Variants in CDKN2C observed in about 807,000 individuals in gnomAD.
The protein encoded by CDKN2C is cyclin dependent kinase inhibitor 2C.
A neutral mutation model predicts 11.0 loss-of-function variants in CDKN2C; 5 were observed. That is an observed-to-expected ratio of 0.45 (90% CI 0.24 to 0.95). CDKN2C has a LOEUF of 0.95. CDKN2C is among the 40% of genes least tolerant of loss of function. The probability of loss-of-function intolerance (pLI) is 0.21; values close to 1 mark genes in which losing one functional copy is unlikely to be tolerated. For synonymous variants in CDKN2C, 79 were observed against 88.3 expected, an observed-to-expected ratio of 0.89 and a Z score of 0.59; for missense variants, 161 against 211.9, an observed-to-expected ratio of 0.76 and a Z score of 1.49.
intron 1 of CDKN2C, 46 bp downstream of exon 1, chr1:50,970,543 A>G: frequency 6.2e-7 from 1 of 1,609,252 alleles, no homozygotes; most frequent in South Asian, 1.1e-5. Context: ...AATGTTGCCT[A>G]CGTGACCCGG....
In CDKN2C at chr1:50,974,401, A is replaced by C; in HGVS notation, c.*131A>C. 1.1e-6 allele frequency: 1 copy of C among 877,802 alleles called. No homozygotes were observed. The allele number at this position is 877,802 out of a possible 1,614,324, so 54.4% of individuals were successfully genotyped here. On this transcript the variant is annotated 3_prime_UTR_variant, in exon 2 of 2. Coordinates refer to ENST00000371761, the MANE Select transcript of CDKN2C (RefSeq NM_078626.3). ...CAGCTAAATTTTCTGAAACTGCATA[A>C]GTGAAAATCTTACAACAGGCTTATG...
chr1:50,974,126 C>G lies in CDKN2C; in HGVS notation c.363C>G (p.Phe121Leu). Residue 121 changes from phenylalanine (F) to leucine (L), a missense_variant, in exon 2 of 2, where the codon TTC becomes TTG. Phe to Leu is a conservative substitution (Grantham distance 22, BLOSUM62 0). Coordinates refer to ENST00000371761, the MANE Select transcript of CDKN2C (RefSeq NM_078626.3). ...AKEGHLRVVE[F>L]LVKHTASNVG... ...AAGGCCACCTCCGGGTGGTGGAGTT[C>G]CTGGTGAAGCACACGGCCAGCAATG... The G allele has an allele frequency of 6.2e-7, 1 of 1,614,154 alleles. No individual in the cohort carries two copies. The highest frequency in any genetic ancestry group is 8.5e-7 in the Non-Finnish European group (1 of 1,180,020).
At position 50,974,445 on chromosome 1, in the gene CDKN2C, C is replaced by T. The variant is rs1645398472; in HGVS notation, c.*175C>T. 3.6e-5 allele frequency: 19 copies of T among 532,674 alleles called. No individual in the cohort carries two copies. The highest frequency in any genetic ancestry group is 4.9e-5 in the Non-Finnish European group (16 of 324,636). 33.0% of individuals were successfully genotyped at this position (532,674 alleles called of 1,614,324 possible). ...GCTTATGAATATATTTAAGCAACAT[C>T]TTTTTAACCTGCAAAATCTGTTCTA... On this transcript the variant is annotated 3_prime_UTR_variant, in exon 2 of 2. Transcript: ENST00000371761.
At position 50,970,358 on chromosome 1, in the gene CDKN2C, G is replaced by A; in HGVS notation, c.-11G>A. 2 of 1,614,010 alleles carry A rather than the reference G, an allele frequency of 1.2e-6. No homozygotes were observed. The highest frequency in any genetic ancestry group is 1.7e-6 in the Non-Finnish European group (2 of 1,180,026). On this transcript the variant is annotated 5_prime_UTR_variant, in exon 1 of 2. Coordinates refer to ENST00000371761, the MANE Select transcript of CDKN2C (RefSeq NM_078626.3). ...TAATTCATCTTTTCCTGATCGTCAG[G>A]ACCCTAAAGAATGGCCGAGCCTTGG...
At chr1:50,968,748 C>T (rs1285774793), upstream of CDKN2C, 1 of 152,166 alleles carries the variant, frequency 6.6e-6, no homozygotes. Flanking sequence ...GGTTTTTCAA[C>T]TCAAAAAGCG....
intron 1 of CDKN2C, among the ~76,000 whole-genome samples, chr1:50,965,195 C>T (rs1276615287): frequency 1.3e-5 from 2 of 151,146 alleles, no homozygotes; most frequent in South Asian, 4.2e-4. Context: ...TTTTTTCCTT[C>T]TTACTTTAAC....
chr1:50,969,087 G>T (rs1057115571), upstream of CDKN2C: 10 of 152,326 alleles, frequency 6.6e-5, no homozygotes, highest in African/African-American at 2.2e-4. The surrounding 1 kb of genome is among the most constrained non-coding windows in gnomAD (Gnocchi z 6.6). Context: ...GGCACAGGCC[G>T]GGGACCGCGA....
At chr1:50,967,744 T>C (rs1394001843), upstream of CDKN2C, among the ~76,000 whole-genome samples, 1 of 152,174 alleles carries the variant, frequency 6.6e-6, no homozygotes, top group African/African-American at 2.4e-5. Context: ...TGTCGGATGA[T>C]TAAATAAAGG....
chr1:50,972,136 A>G (rs1349448658), intron 1 of CDKN2C, among the ~76,000 whole-genome samples: 1 of 152,130 alleles, frequency 6.6e-6, no homozygotes, highest in African/African-American at 2.4e-5. Context: ...GGTTAATATC[A>G]AAGGCCTTAA....
upstream of CDKN2C, chr1:50,968,995 G>C (rs1007816946): frequency 3.3e-5 from 5 of 153,538 alleles, no homozygotes; most frequent in Non-Finnish European, 7.2e-5. Context: ...CACTGGGAGC[G>C]GTGCGGCCAA....
chr1:50,966,627 A>C (rs1645348144), upstream of CDKN2C, among the ~76,000 whole-genome samples: 1 of 152,102 alleles, frequency 6.6e-6, no homozygotes, highest in Non-Finnish European at 1.5e-5. Flanking sequence ...TTACTGTGTA[A>C]TACTTATGTA....
At position 50,970,353 on chromosome 1, in the gene CDKN2C, G is replaced by C. The variant is rs763757869; in HGVS notation, c.-16G>C. The C allele has an allele frequency of 6.2e-7, 1 of 1,613,800 alleles. No homozygotes were observed. The highest frequency in any genetic ancestry group is 1.1e-5 in the South Asian group (1 of 91,074). On this transcript the variant is annotated 5_prime_UTR_variant, in exon 1 of 2. Transcript: ENST00000371761. The stretch of plus-strand genomic sequence containing the variant: ...ACGACTAATTCATCTTTTCCTGATC[G>C]TCAGGACCCTAAAGAATGGCCGAGC...
At chr1:50,973,203 T>C (rs1162012034) in intron 1 of CDKN2C, among the ~76,000 whole-genome samples, 1 of 152,176 alleles carries the variant, frequency 6.6e-6, no homozygotes, top group African/African-American at 2.4e-5. Context: ...TGAAGGATTC[T>C]AAACATTGAA....
At chr1:50,973,841 T>C in intron 1 of CDKN2C, 52 bp from the exon 2 acceptor site, 2 of 1,593,194 alleles carry the variant, frequency 1.3e-6, no homozygotes, top group South Asian at 1.1e-5. Flanking sequence ...TTTTAAAATA[T>C]CTCTGTAGCA....
chr1:50,965,579 C>T (rs1645344175), upstream of CDKN2C, among the ~76,000 whole-genome samples: 1 of 151,964 alleles, frequency 6.6e-6, no homozygotes, highest in African/African-American at 2.4e-5. Flanking sequence ...CATGGTGGAG[C>T]ATGCCTGTGG....
Position 50,970,301 on chromosome 1 carries a change from G to A in CDKN2C, c.-68G>A, listed in dbSNP as rs1298762612. On this transcript the variant is annotated 5_prime_UTR_variant, in exon 1 of 2. An upstream open reading frame in the 5' UTR loses its in-frame stop. Coordinates refer to ENST00000371761, the MANE Select transcript of CDKN2C (RefSeq NM_078626.3). ...CCGATGCCATCATGCAGCCTGGTTA[G>A]GAGCAAAGGAAAGGGGAAAAAGAAA... is the stretch of plus-strand genomic sequence containing the variant. 2 of 1,596,154 alleles carry A rather than the reference G, an allele frequency of 1.3e-6. No homozygotes were observed. The highest frequency in any genetic ancestry group is 1.7e-6 in the Non-Finnish European group (2 of 1,170,396).
At chr1:50,961,743 G>A (rs1645325126) in intron 1 of CDKN2C, among the ~76,000 whole-genome samples, 1 of 152,182 alleles carries the variant, frequency 6.6e-6, no homozygotes, top group Non-Finnish European at 1.5e-5. Context: ...ATGTTGCCCA[G>A]GCTGGCTTCC....
At chr1:50,962,315 T>G (rs1320366512) in intron 1 of CDKN2C, among the ~76,000 whole-genome samples, 1 of 152,068 alleles carries the variant, frequency 6.6e-6, no homozygotes, top group Non-Finnish European at 1.5e-5. Context: ...ACCTGGGAGG[T>G]GGAGGTTGCA....
At chr1:50,971,476 T>C (rs1645380107) in intron 1 of CDKN2C, among the ~76,000 whole-genome samples, 1 of 152,180 alleles carries the variant, frequency 6.6e-6, no homozygotes. Flanking sequence ...GTCCATACAG[T>C]CTGTACATTT....
Sources: gnomAD v4.1 joint callset for allele counts (sites outside exome capture counted in the v4.1 genomes callset) on GRCh38, gnomAD v4.1.1 for gene constraint, Gnocchi (gnomAD v3.1) non-coding constraint, MANE v1.5 for transcripts, NCBI Gene and HGNC (gene_info 2026-07-23, HGNC 2026-07-21) for gene names.